The following CREB3L2 variants were observed in gnomAD, a reference collection of about 807,000 sequenced individuals.
CREB3L2 encodes the protein cAMP responsive element binding protein 3 like 2.
In CREB3L2, 23 loss-of-function variants were observed where a neutral mutation model predicts 57.2. That is an observed-to-expected ratio of 0.40 (90% CI 0.29 to 0.57). The LOEUF is 0.57. Ranked by LOEUF, CREB3L2 falls within the 20% of genes least tolerant of loss-of-function variation. The pLI is 0.42. For synonymous variants in CREB3L2, 268 were observed against 265.1 expected (o/e 1.01, Z -0.11); for missense variants, 628 against 634.7 (o/e 0.99, Z 0.11).
At position 137,915,731 on chromosome 7, in the gene CREB3L2, T is replaced by C. The variant is rs952959495; in HGVS notation, c.495+106A>G. On this transcript the variant is annotated intron_variant, in intron 3 of 11. Coordinates refer to ENST00000330387, the MANE Select transcript of CREB3L2 (RefSeq NM_194071.4). Reference sequence around the variant, plus strand: ...ACATATGAAGTTGCATGTCCTTAAATGTACACAGCCACTAACTCCAAAAAG... The same window carrying C: ...ACATATGAAGTTGCATGTCCTTAAACGTACACAGCCACTAACTCCAAAAAG... 6.3e-6 allele frequency: 6 copies of C among 945,340 alleles called. No individual in the cohort carries two copies. In the South Asian group the frequency reaches 8.5e-5, roughly 13 times the overall value. 58.6% of individuals were successfully genotyped at this position (945,340 alleles called of 1,614,324 possible).
chr7:137,880,292 A>G lies in CREB3L2; in HGVS notation c.*184T>C. 1.6e-6 allele frequency: 1 copy of G among 612,350 alleles called. No individual in the cohort carries two copies. The highest frequency in any genetic ancestry group is 3.0e-6 in the Non-Finnish European group (1 of 336,298). 37.9% of individuals were successfully genotyped at this position (612,350 alleles called of 1,614,324 possible). A position where few individuals can be genotyped will look rare whatever the true frequency, so the allele number is the denominator to read the frequency against. On this transcript the variant is annotated 3_prime_UTR_variant, in exon 12 of 12. Coordinates refer to ENST00000330387, the MANE Select transcript of CREB3L2 (RefSeq NM_194071.4). The surrounding 1 kb of genome is among the most constrained non-coding windows in gnomAD (Gnocchi z 4.0). The stretch of plus-strand genomic sequence containing the variant: ...AGGCTCCCTTCTGCACAGGAGGGGC[A>G]TGGACCAGGGGGAGATGCTCTCTCA...
At chr7:137,952,887 G>A (rs1404418418) in intron 1 of CREB3L2, among the ~76,000 whole-genome samples, 1 of 152,006 alleles carries the variant, frequency 6.6e-6, no homozygotes, top group East Asian at 1.9e-4. Flanking sequence ...GCGTGATCTT[G>A]GCTCACTACA....
chr7:137,958,279 T>C (rs1563265713), intron 1 of CREB3L2, among the ~76,000 whole-genome samples: 1 of 152,182 alleles, frequency 6.6e-6, no homozygotes, highest in Non-Finnish European at 1.5e-5. Context: ...AAAGAACCCC[T>C]TAAGTTTGCG....
At position 137,895,642 on chromosome 7, in the gene CREB3L2, C is replaced by CAA. The variant is rs759902698; in HGVS notation, c.1043+5710_1043+5711dup. ...TAGGTGGCTGCTGCTGAGTCCAGTA[C>CAA]AAAAAAAAAAAGAAAGAAAACCATA... On this transcript the variant is annotated intron_variant, in intron 8 of 11. Transcript: ENST00000330387. Among the ~76,000 whole-genome samples the CAA allele has an allele frequency of 2.7e-4, 30 of 111,922 alleles. 2 individuals are homozygous for CAA. The highest frequency in any genetic ancestry group is 7.7e-4 in the African/African-American group (21 of 27,394). The allele number at this position is 111,922 out of a possible 152,430, so 73.4% of individuals were successfully genotyped here.
At chr7:137,950,570 T>C (rs60078042) in intron 1 of CREB3L2, among the ~76,000 whole-genome samples, 11,494 of 152,124 alleles carry the variant, frequency 0.076, 1,271 homozygotes, top group African/African-American at 0.25. Flanking sequence ...TTGGTTTGTT[T>C]GGGGTGGGGA....
intron 1 of CREB3L2, among the ~76,000 whole-genome samples, chr7:137,977,268 G>T (rs1485787943): frequency 6.6e-6 from 1 of 152,186 alleles, no homozygotes; most frequent in Non-Finnish European, 1.5e-5. Flanking sequence ...AGATTTTCTA[G>T]TCCAGACAGT....
chr7:137,999,379 T>TACACACAC (rs60762009), intron 1 of CREB3L2, among the ~76,000 whole-genome samples: 24,136 of 142,264 alleles, frequency 0.17, 2,339 homozygotes, highest in South Asian at 0.29. Flanking sequence ...TATGTTCCCC[T>TACACACAC]ACACACACAC....
intron 9 of CREB3L2, 40 bp from the exon 10 acceptor site, chr7:137,885,161 G>A: frequency 6.2e-7 from 1 of 1,609,058 alleles, no homozygotes; most frequent in Non-Finnish European, 8.5e-7. Flanking sequence ...ACGAGGGGCT[G>A]TGGACTTCAG....
At chr7:138,000,893 A>G (rs1210318415) in intron 1 of CREB3L2, among the ~76,000 whole-genome samples, 7 of 152,196 alleles carry the variant, frequency 4.6e-5, no homozygotes, top group Non-Finnish European at 1.0e-4. Flanking sequence ...GCATTAGTAT[A>G]AGACTGAACA....
intron 1 of CREB3L2, among the ~76,000 whole-genome samples, chr7:137,952,910 C>T (rs1043887863): frequency 8.5e-5 from 13 of 152,138 alleles, no homozygotes; most frequent in Non-Finnish European, 8.8e-5. Flanking sequence ...CTCCGCCTCC[C>T]GGGTTCCAGC....
chr7:137,908,497 T>G (rs1374829744), intron 4 of CREB3L2, 61 bp from the exon 5 acceptor site: 1 of 1,203,990 alleles, frequency 8.3e-7, no homozygotes, highest in African/African-American at 1.6e-5. Context: ...ACAACTGATT[T>G]GTGGCATAGC....
At chr7:137,918,105 C>T (rs1800184269) in intron 2 of CREB3L2, among the ~76,000 whole-genome samples, 1 of 152,206 alleles carries the variant, frequency 6.6e-6, no homozygotes, top group South Asian at 2.1e-4. Flanking sequence ...GCAAAGAACA[C>T]CCGCTTAGGA....
chr7:137,897,495 G>A (rs1248070888), intron 8 of CREB3L2, among the ~76,000 whole-genome samples: 1 of 152,046 alleles, frequency 6.6e-6, no homozygotes, highest in Non-Finnish European at 1.5e-5. Context: ...TCAGCCTCTC[G>A]AGTAGCTGGG....
At chr7:137,922,423 T>C (rs185120121) in intron 2 of CREB3L2, among the ~76,000 whole-genome samples, 62,283 of 102,248 alleles carry the variant, frequency 0.61, 20,042 homozygotes, top group East Asian at 0.85. Context: ...TATGTATATA[T>C]ATATATATAT....
At chr7:137,903,207 T>A (rs931575479) in intron 7 of CREB3L2, among the ~76,000 whole-genome samples, 2 of 152,166 alleles carry the variant, frequency 1.3e-5, no homozygotes, top group African/African-American at 4.8e-5. Flanking sequence ...TACTTAATGC[T>A]GCATTACCAG....
At chr7:137,912,748 GAAGTAA>G in intron 4 of CREB3L2, 1 of 1,135,112 alleles carries the variant, frequency 8.8e-7, no homozygotes, top group Non-Finnish European at 1.2e-6. Flanking sequence ...ACCCTGGTTA[GAAGTAA>G]AAGTATGGTA....
At chr7:137,919,818 A>AT (rs1208034533) in intron 2 of CREB3L2, among the ~76,000 whole-genome samples, 3 of 152,272 alleles carry the variant, frequency 2.0e-5, no homozygotes, top group Non-Finnish European at 4.4e-5. Flanking sequence ...ATAAAAATCT[A>AT]TAACTATTAA....
chr7:137,928,113 C>G, intron 2 of CREB3L2, 37 bp downstream of exon 2: 2 of 1,495,754 alleles, frequency 1.3e-6, no homozygotes, highest in Non-Finnish European at 1.8e-6. Context: ...GAACCAAAGG[C>G]GCTAAGGTCC....
intron 1 of CREB3L2, among the ~76,000 whole-genome samples, chr7:137,960,360 A>G (rs913358302): frequency 2.6e-5 from 4 of 152,226 alleles, no homozygotes; most frequent in Non-Finnish European, 4.4e-5. Flanking sequence ...TACAGTGACT[A>G]TAAGTAAATG....
Sources: allele counts gnomAD v4.1 joint callset (sites outside exome capture counted in the v4.1 genomes callset), GRCh38; gene constraint gnomAD v4.1.1; non-coding constraint Gnocchi (gnomAD v3.1); transcripts MANE v1.5; gene names NCBI Gene and HGNC (gene_info 2026-07-23, HGNC 2026-07-21).